ELAVL2: variants seen among roughly 807,000 people sequenced by gnomAD.
ELAVL2 encodes ELAV-like protein 2.
In ELAVL2, 4 loss-of-function variants were observed where a neutral mutation model predicts 34.6. That is an observed-to-expected ratio of 0.12 (90% CI 0.06 to 0.26). The LOEUF is 0.26. Ranked by LOEUF, ELAVL2 falls within the 10% of genes least tolerant of loss-of-function variation. ELAVL2 has a pLI of 1.00. For synonymous variants in ELAVL2, 193 were observed against 154.8 expected, an observed-to-expected ratio of 1.25 and a Z score of -1.83; for missense variants, 432 against 442.8, an observed-to-expected ratio of 0.98 and a Z score of 0.22.
At chr9:23,791,178 A>C (rs960717317) in intron 1 of ELAVL2, among the ~76,000 whole-genome samples, 1 of 152,248 alleles carries the variant, frequency 6.6e-6, no homozygotes, top group Non-Finnish European at 1.5e-5. Flanking sequence ...AGGTGGTCAC[A>C]AACTACTGTA....
intron 1 of ELAVL2, among the ~76,000 whole-genome samples, chr9:23,814,800 G>C (rs2063489513): frequency 6.6e-6 from 1 of 152,116 alleles, no homozygotes; most frequent in African/African-American, 2.4e-5. Context: ...AGCAATATCA[G>C]TATAACAAGA....
the ELAVL2 span, among the ~76,000 whole-genome samples, chr9:23,833,310 G>A: frequency 6.6e-6 from 1 of 151,672 alleles, no homozygotes; most frequent in African/African-American, 2.4e-5. Flanking sequence ...TTTTCTGCTT[G>A]TTAGAAAACA....
Position 23,692,778 on chromosome 9 carries a change from C to A in ELAVL2, c.859G>T (p.Ala287Ser). 1 of 1,614,154 alleles carries A rather than the reference C, an allele frequency of 6.2e-7. No homozygotes were observed. The highest frequency in any genetic ancestry group is 1.1e-5 in the South Asian group (1 of 91,080). The change falls in exon 7 of 7, where the codon GCA becomes TCA. Residue 287 changes from alanine to serine, a missense_variant. Around this residue, in one of 3 missense-constraint regions of ELAVL2, gnomAD observed 295 missense variants for 306.1 expected, o/e 0.96. Transcript: ENST00000397312. ...ATTTGCCACAGGATACTCTCATCTG[C>A]GTCAGGAGCCAGGTTGTACACAAAT... ...CIFVYNLAPD[A>S]DESILWQMFG...
chr9:23,742,483 A>T (rs1034471930), intron 2 of ELAVL2, among the ~76,000 whole-genome samples: 2 of 152,198 alleles, frequency 1.3e-5, no homozygotes, highest in African/African-American at 4.8e-5. Flanking sequence ...GGAGTGAAAG[A>T]GGGAGGGAAG....
intron 3 of ELAVL2, among the ~76,000 whole-genome samples, chr9:23,705,989 T>G (rs2133392982): frequency 6.6e-6 from 1 of 152,312 alleles, no homozygotes; most frequent in East Asian, 1.9e-4. Context: ...AAATTCACCC[T>G]TATCAGTAAG....
At chr9:23,778,001 G>A (rs866244540) in intron 1 of ELAVL2, among the ~76,000 whole-genome samples, 3 of 152,042 alleles carry the variant, frequency 2.0e-5, no homozygotes, top group African/African-American at 7.2e-5. Context: ...CATTCTTCCT[G>A]ATACAAAGTA....
At chr9:23,763,971 C>T (rs1194532028) in intron 1 of ELAVL2, among the ~76,000 whole-genome samples, 1 of 152,066 alleles carries the variant, frequency 6.6e-6, no homozygotes, top group Non-Finnish European at 1.5e-5. Context: ...ATTTAAAAAT[C>T]TTAAATAATT....
intron 1 of ELAVL2, among the ~76,000 whole-genome samples, chr9:23,780,642 G>C (rs542773855): frequency 6.6e-6 from 1 of 152,082 alleles, no homozygotes; most frequent in African/African-American, 2.4e-5. Context: ...AAGAGTATTT[G>C]GTCTAAACTC....
At chr9:23,839,417 A>G in the ELAVL2 span, among the ~76,000 whole-genome samples, 1 of 152,174 alleles carries the variant, frequency 6.6e-6, no homozygotes, top group Non-Finnish European at 1.5e-5. Context: ...TTTTCGTCCA[A>G]TTTATTGGGC....
chr9:23,799,644 C>T (rs180838379), intron 1 of ELAVL2, among the ~76,000 whole-genome samples: 25 of 152,288 alleles, frequency 1.6e-4, no homozygotes, highest in African/African-American at 5.8e-4. Flanking sequence ...CAGCAGCCAA[C>T]ACCCTAGTTT....
rs149816790 is a variant in ELAVL2 at position 23,789,286 on chromosome 9, A to G, written c.-15-27037T>C. On this transcript the variant is annotated intron_variant, in intron 1 of 6. Transcript: ENST00000397312. Reference sequence around the variant, plus strand: ...ACTAGACGCAGCCACAAGAAATGCAAGTTTTCCTAAATGGTAAGGTGGAAT... The same window carrying G: ...ACTAGACGCAGCCACAAGAAATGCAGGTTTTCCTAAATGGTAAGGTGGAAT... Among the ~76,000 whole-genome samples, 52 of 152,278 alleles carry G rather than the reference A, an allele frequency of 3.4e-4. 1 individual carries two copies. The highest frequency in any genetic ancestry group is 1.2e-3 in the African/African-American group (51 of 41,568).
intron 5 of ELAVL2, among the ~76,000 whole-genome samples, chr9:23,694,393 C>T (rs907872317): frequency 6.6e-6 from 1 of 152,036 alleles, no homozygotes; most frequent in African/African-American, 2.4e-5. Flanking sequence ...TTTCAAAACA[C>T]CACTCTAATG....
At chr9:23,755,562 C>T (rs1246668291) in intron 2 of ELAVL2, among the ~76,000 whole-genome samples, 1 of 152,092 alleles carries the variant, frequency 6.6e-6, no homozygotes, top group Non-Finnish European at 1.5e-5. Flanking sequence ...TTACCTTTTG[C>T]CTATGAGAGA....
the ELAVL2 span, among the ~76,000 whole-genome samples, chr9:23,833,487 A>G: frequency 6.6e-6 from 1 of 151,878 alleles, no homozygotes. Context: ...ACTGTCACCA[A>G]GTTTGAAATG....
At chr9:23,835,223 T>C in the ELAVL2 span, among the ~76,000 whole-genome samples, 156 of 152,234 alleles carry the variant, frequency 1.0e-3, 1 homozygote, top group South Asian at 4.3e-3. Context: ...ATATATACCA[T>C]CACAGTCTAA....
intron 1 of ELAVL2, chr9:23,779,330 C>G: frequency 4.1e-6 from 4 of 985,426 alleles, no homozygotes; most frequent in Non-Finnish European, 4.8e-6. Context: ...GGAACAAAGG[C>G]AATTCCAGGG....
At chr9:23,776,500 C>A (rs1240340383) in intron 1 of ELAVL2, among the ~76,000 whole-genome samples, 1 of 151,990 alleles carries the variant, frequency 6.6e-6, no homozygotes, top group Non-Finnish European at 1.5e-5. Context: ...AAAGAAACTC[C>A]CCAAGGCTAG....
intron 1 of ELAVL2, among the ~76,000 whole-genome samples, chr9:23,825,088 T>A (rs1266595872): frequency 6.6e-6 from 1 of 152,184 alleles, no homozygotes; most frequent in African/African-American, 2.4e-5. Flanking sequence ...GAATCTCATA[T>A]CCGGTACAGG....
intron 3 of ELAVL2, among the ~76,000 whole-genome samples, chr9:23,726,370 G>T (rs1246580525): frequency 6.6e-6 from 1 of 152,042 alleles, no homozygotes; most frequent in African/African-American, 2.4e-5. Flanking sequence ...TTTTAGCCTG[G>T]TCTATAGCTG....
Sources: allele counts gnomAD v4.1 joint callset (sites outside exome capture counted in the v4.1 genomes callset), GRCh38; gene constraint gnomAD v4.1.1; regional missense constraint gnomAD v4.1.1; transcripts MANE v1.5; gene names NCBI Gene and HGNC (gene_info 2026-07-23, HGNC 2026-07-21).